The following SLCO3A1 variants were observed in gnomAD, a reference collection of about 807,000 sequenced individuals.
SLCO3A1 encodes the protein solute carrier organic anion transporter family member 3A1, also known as PGE1 transporter.
SLCO3A1 carries 27 observed loss-of-function variants against 63.1 expected under a neutral mutation model. The observed-to-expected ratio is 0.43, with a 90% CI of 0.32 to 0.59. SLCO3A1 has a LOEUF of 0.59. SLCO3A1 is among the 20% of genes least tolerant of loss of function. The pLI, the probability that SLCO3A1 is intolerant of heterozygous loss-of-function variation, is 0.09. For missense variants in SLCO3A1, 773 were observed against 945.8 expected, an observed-to-expected ratio of 0.82 and a Z score of 2.40; for synonymous variants, 473 against 409.9, an observed-to-expected ratio of 1.15 and a Z score of -1.86.
chr15:91,857,829 C>G (rs1276601638), intron 1 of SLCO3A1, among the ~76,000 whole-genome samples: 1 of 152,132 alleles, frequency 6.6e-6, no homozygotes, highest in Non-Finnish European at 1.5e-5. Flanking sequence ...GGCATACATA[C>G]AAATACATTT....
intron 2 of SLCO3A1, among the ~76,000 whole-genome samples, chr15:91,931,053 G>A (rs1597131893): frequency 6.6e-6 from 1 of 152,190 alleles, no homozygotes; most frequent in East Asian, 1.9e-4. Context: ...TAGATGTGGA[G>A]CTGGAAAATA....
At chr15:91,965,173 CA>C (rs2151424413) in intron 2 of SLCO3A1, among the ~76,000 whole-genome samples, 1 of 152,244 alleles carries the variant, frequency 6.6e-6, no homozygotes, top group African/African-American at 2.4e-5. Context: ...CCCTAGAGAA[CA>C]GGAGAATTGG....
At chr15:92,150,353 C>T (rs1469457973) in intron 8 of SLCO3A1, among the ~76,000 whole-genome samples, 4 of 152,188 alleles carry the variant, frequency 2.6e-5, no homozygotes, top group Non-Finnish European at 5.9e-5. Context: ...TGTGGCAACA[C>T]CCTCACAGAC....
intron 2 of SLCO3A1, among the ~76,000 whole-genome samples, chr15:92,023,184 C>A (rs6496888): frequency 0.12 from 17,838 of 152,134 alleles, 1,454 homozygotes; most frequent in South Asian, 0.34. Flanking sequence ...CTCGAGGATT[C>A]CTTGATATTT....
At chr15:92,135,906 C>T (rs1007434834) in intron 7 of SLCO3A1, among the ~76,000 whole-genome samples, 1 of 152,130 alleles carries the variant, frequency 6.6e-6, no homozygotes, top group African/African-American at 2.4e-5. Flanking sequence ...GGTGGCATGC[C>T]TCTGTAATCC....
At chr15:91,921,629 G>C (rs1274962916) in intron 2 of SLCO3A1, among the ~76,000 whole-genome samples, 1 of 151,808 alleles carries the variant, frequency 6.6e-6, no homozygotes, top group Non-Finnish European at 1.5e-5. Flanking sequence ...CCTTCTTCCT[G>C]TTTCCCCTGC....
At chr15:92,048,204 T>A (rs2151494594) in intron 2 of SLCO3A1, among the ~76,000 whole-genome samples, 1 of 152,092 alleles carries the variant, frequency 6.6e-6, no homozygotes, top group East Asian at 1.9e-4. Flanking sequence ...ATTTTACTAT[T>A]GCCTGGACTT....
rs138145627 is a variant in SLCO3A1, at chr15:92,114,042, A to G, written c.1010-6423A>G. Among the ~76,000 whole-genome samples, 698 of 152,298 alleles carry G rather than the reference A, an allele frequency of 4.6e-3. 3 individuals carry two copies. Among genetic ancestry groups the G allele is most frequent in the Non-Finnish European group, 7.4e-3 (502 of 68,016 alleles). On this transcript the variant is annotated intron_variant, in intron 4 of 9. Coordinates refer to ENST00000318445, the MANE Select transcript of SLCO3A1 (RefSeq NM_013272.4). ...CTCCCAATTGCACATGAATGCCAGA[A>G]GCAATGGGGGCGTTCTTTGATCTCC... is the stretch of plus-strand genomic sequence containing the variant.
chr15:92,133,366 A>G (rs1426442859), intron 7 of SLCO3A1, among the ~76,000 whole-genome samples: 1 of 146,272 alleles, frequency 6.8e-6, no homozygotes, highest in Non-Finnish European at 1.5e-5. Flanking sequence ...ATATTTGCCC[A>G]CTATAAAAAC....
chr15:92,123,666 C>T (rs2047889217), intron 5 of SLCO3A1, among the ~76,000 whole-genome samples: 1 of 152,144 alleles, frequency 6.6e-6, no homozygotes, highest in South Asian at 2.1e-4. Context: ...GTTGTAACTT[C>T]TTTGTTATCC....
At chr15:92,030,289 A>G (rs1160055842) in intron 2 of SLCO3A1, among the ~76,000 whole-genome samples, 1 of 152,184 alleles carries the variant, frequency 6.6e-6, no homozygotes, top group East Asian at 1.9e-4. Flanking sequence ...TCTTAGATGA[A>G]TACCAAGAGA....
At chr15:92,046,135 A>G (rs777913130) in intron 2 of SLCO3A1, among the ~76,000 whole-genome samples, 9 of 152,186 alleles carry the variant, frequency 5.9e-5, no homozygotes, top group Non-Finnish European at 7.3e-5. Flanking sequence ...ATTTTATAAG[A>G]AACTAAGAGG....
intron 2 of SLCO3A1, among the ~76,000 whole-genome samples, chr15:92,015,553 A>G (rs893409380): frequency 9.2e-5 from 14 of 152,088 alleles, no homozygotes; most frequent in African/African-American, 3.4e-4. Context: ...TGGGGATTAC[A>G]TTTCAAGATG....
intron 2 of SLCO3A1, among the ~76,000 whole-genome samples, chr15:92,031,101 T>G (rs559667077): frequency 6.6e-6 from 1 of 152,276 alleles, no homozygotes; most frequent in Non-Finnish European, 1.5e-5. Context: ...AAAGAAATGT[T>G]CTGCACGCAT....
rs1166635064 is a variant in SLCO3A1, at chr15:91,885,452, C to G, written c.181-30541C>G. 6.6e-6 allele frequency among the ~76,000 whole-genome samples: 1 copy of G among 152,224 alleles called. No homozygotes were observed. Among genetic ancestry groups the G allele is most frequent in the Non-Finnish European group, 1.5e-5 (1 of 68,040 alleles). ...GTTTCAGGAAGAAGCCGGGCAGATG[C>G]CTCTTTGTTCCAGCAGCCAAACTCC... On this transcript the variant is annotated intron_variant, in intron 1 of 9. Transcript: ENST00000318445. The surrounding 1 kb of genome is among the most constrained non-coding windows in gnomAD (Gnocchi z 4.7).
intron 2 of SLCO3A1, among the ~76,000 whole-genome samples, chr15:91,939,306 A>G (rs1242583499): frequency 6.6e-6 from 1 of 152,168 alleles, no homozygotes; most frequent in Non-Finnish European, 1.5e-5. Flanking sequence ...AACAGCACCA[A>G]GAGGATGGTG....
chr15:91,930,676 T>A (rs947906653), intron 2 of SLCO3A1, among the ~76,000 whole-genome samples: 4 of 152,230 alleles, frequency 2.6e-5, no homozygotes, highest in African/African-American at 9.6e-5. Flanking sequence ...GATACATGGA[T>A]GAATCAGACC....
At chr15:91,903,547 A>G (rs1195808137) in intron 1 of SLCO3A1, among the ~76,000 whole-genome samples, 1 of 152,154 alleles carries the variant, frequency 6.6e-6, no homozygotes, top group East Asian at 1.9e-4. Flanking sequence ...GTGTGTACTC[A>G]CCAACCTCAG....
intron 7 of SLCO3A1, among the ~76,000 whole-genome samples, chr15:92,128,990 G>A (rs530431668): frequency 6.6e-6 from 1 of 152,286 alleles, no homozygotes; most frequent in African/African-American, 2.4e-5. Flanking sequence ...TTTGGGAGGA[G>A]GTGGGTTGCT....
Sources: allele counts gnomAD v4.1 joint callset (sites outside exome capture counted in the v4.1 genomes callset), GRCh38; gene constraint gnomAD v4.1.1; non-coding constraint Gnocchi (gnomAD v3.1); transcripts MANE v1.5; gene names NCBI Gene and HGNC (gene_info 2026-07-23, HGNC 2026-07-21).